Variants in PLXDC2 observed in about 807,000 individuals in gnomAD.
PLXDC2 encodes plexin domain-containing protein 2.
A neutral mutation model predicts 68.9 loss-of-function variants in PLXDC2; 40 were observed. That is an observed-to-expected ratio of 0.58 (90% CI 0.45 to 0.76). The LOEUF (loss-of-function observed/expected upper bound fraction) is 0.76. PLXDC2 is among the 30% of genes least tolerant of loss of function. PLXDC2 has a pLI of 0.00. For missense variants in PLXDC2, 644 were observed against 661.9 expected (o/e 0.97, Z 0.30); for synonymous variants, 243 against 234.2 (o/e 1.04, Z -0.34).
intron 9 of PLXDC2, among the ~76,000 whole-genome samples, chr10:20,186,767 T>C (rs1044997303): frequency 6.6e-6 from 1 of 151,992 alleles, no homozygotes; most frequent in African/African-American, 2.4e-5. Context: ...TATGGCTGCG[T>C]AGTATTCCAT....
Position 20,001,921 on chromosome 10 carries a change from C to A in PLXDC2, c.259C>A (p.Pro87Thr), listed in dbSNP as rs759906707. ...TNRASVGQDS[P>T]EPRSFTDLLL... ...CCGAGCAAGCGTCGGCCAAGACTCT[C>A]CTGAGCCCAGAAGCTTCACAGACCT... The change falls in exon 2 of 14, where the codon CCT becomes ACT. Residue 87 changes from proline to threonine, a missense_variant. This residue lies in a region of PLXDC2 where 201 missense variants were observed against 166.9 expected (regional missense o/e 1.20). Coordinates refer to ENST00000377252, the MANE Select transcript of PLXDC2 (RefSeq NM_032812.9). 8.1e-6 allele frequency: 13 copies of A among 1,613,400 alleles called. 1 individual carries two copies. The highest frequency in any genetic ancestry group is 5.5e-5 in the South Asian group (5 of 91,046).
At chr10:20,187,606 C>A (rs1203685542) in intron 9 of PLXDC2, among the ~76,000 whole-genome samples, 1 of 151,596 alleles carries the variant, frequency 6.6e-6, no homozygotes, top group Non-Finnish European at 1.5e-5. Flanking sequence ...TTTTGCAGGT[C>A]TTCTTAATGG....
rs187268188 is a variant in PLXDC2 at position 19,998,572 on chromosome 10, G to C, written c.113-3203G>C. On this transcript the variant is annotated intron_variant, in intron 1 of 13. Coordinates refer to ENST00000377252, the MANE Select transcript of PLXDC2 (RefSeq NM_032812.9). ...AGAAGCAACCAAAAGGATATTCATG[G>C]ATGCCAGGCCCTAAAGCTCACAAAT... 3.9e-5 allele frequency among the ~76,000 whole-genome samples: 6 copies of C among 152,256 alleles called. No homozygotes were observed. In the East Asian group the frequency reaches 1.2e-3, roughly 29 times the overall value.
At chr10:19,992,833 C>T (rs1313580961) in intron 1 of PLXDC2, among the ~76,000 whole-genome samples, 1 of 152,048 alleles carries the variant, frequency 6.6e-6, no homozygotes, top group Non-Finnish European at 1.5e-5. Context: ...GAATTGTTTA[C>T]AGATTTTTGC....
chr10:20,222,698 C>T (rs1160910381), intron 12 of PLXDC2, among the ~76,000 whole-genome samples: 1 of 151,970 alleles, frequency 6.6e-6, no homozygotes, highest in Non-Finnish European at 1.5e-5. Flanking sequence ...GCAGATGATC[C>T]ATTGCAGAGC....
At chr10:19,863,022 G>A (rs1470851087) in intron 1 of PLXDC2, among the ~76,000 whole-genome samples, 1 of 152,132 alleles carries the variant, frequency 6.6e-6, no homozygotes, top group Non-Finnish European at 1.5e-5. Context: ...TAAATGACAA[G>A]AACATATGGG....
intron 2 of PLXDC2, among the ~76,000 whole-genome samples, chr10:20,026,716 C>T (rs897281123): frequency 2.0e-5 from 3 of 151,672 alleles, no homozygotes; most frequent in African/African-American, 7.3e-5. Context: ...GATGGATGCA[C>T]AAATTTAATC....
rs913675597 is a variant in PLXDC2 at position 20,220,450 on chromosome 10, A to G, written c.1312+1348A>G. ...CTTAATATGGGTGGTCATTATATGT[A>G]TATTTATTAGATTTTTTTCTATGCT... On this transcript the variant is annotated intron_variant, in intron 12 of 13. Coordinates refer to ENST00000377252, the MANE Select transcript of PLXDC2 (RefSeq NM_032812.9). 3.9e-5 allele frequency among the ~76,000 whole-genome samples: 6 copies of G among 152,182 alleles called. No individual in the cohort carries two copies. In the East Asian group the frequency reaches 5.8e-4, roughly 15 times the overall value.
At chr10:19,851,404 A>G (rs1442823474) in intron 1 of PLXDC2, among the ~76,000 whole-genome samples, 1 of 152,156 alleles carries the variant, frequency 6.6e-6, no homozygotes, top group Non-Finnish European at 1.5e-5. Context: ...CTTGCCTGCA[A>G]CTTACCCCTC....
intron 4 of PLXDC2, among the ~76,000 whole-genome samples, chr10:20,087,135 A>T (rs559100391): frequency 2.0e-5 from 3 of 152,360 alleles, no homozygotes; most frequent in Admixed American, 2.0e-4. Flanking sequence ...TTGTTAGTTC[A>T]AATGCATGGC....
chr10:20,086,168 G>T (rs547993138), intron 4 of PLXDC2, among the ~76,000 whole-genome samples: 35 of 151,942 alleles, frequency 2.3e-4, no homozygotes, highest in Middle Eastern at 3.4e-3. Flanking sequence ...GAGAGCTAGT[G>T]CTTGTTGACG....
chr10:20,163,408 G>C (rs1193417953), intron 6 of PLXDC2, among the ~76,000 whole-genome samples: 1 of 151,598 alleles, frequency 6.6e-6, no homozygotes, highest in Non-Finnish European at 1.5e-5. Context: ...AGATTGTATT[G>C]TATTGTATTA....
At chr10:20,014,163 G>A (rs189345446) in intron 2 of PLXDC2, among the ~76,000 whole-genome samples, 85 of 151,494 alleles carry the variant, frequency 5.6e-4, no homozygotes, top group African/African-American at 1.3e-3. Context: ...AGTACATTCA[G>A]AAGTCTTCCT....
At chr10:19,848,292 T>G (rs1396972001) in intron 1 of PLXDC2, among the ~76,000 whole-genome samples, 1 of 152,226 alleles carries the variant, frequency 6.6e-6, no homozygotes, top group Non-Finnish European at 1.5e-5. Context: ...GATCCTTTCT[T>G]TAGACACTTT....
chr10:20,261,793 G>A (rs1280391435), intron 13 of PLXDC2, among the ~76,000 whole-genome samples: 1 of 152,186 alleles, frequency 6.6e-6, no homozygotes, highest in Non-Finnish European at 1.5e-5. Context: ...GGCGGAGGTT[G>A]CGGTGAGCCA....
chr10:19,894,020 G>T (rs7920030), intron 1 of PLXDC2, among the ~76,000 whole-genome samples: 73 of 152,182 alleles, frequency 4.8e-4, no homozygotes, highest in Non-Finnish European at 7.5e-4. Flanking sequence ...CACGAATGGA[G>T]TAAATTCAGA....
At chr10:19,820,778 C>G (rs186234863) in intron 1 of PLXDC2, among the ~76,000 whole-genome samples, 21 of 151,618 alleles carry the variant, frequency 1.4e-4, no homozygotes, top group Admixed American at 9.9e-4. Context: ...ATCATGGGAT[C>G]TAAAGTCTTC....
intron 4 of PLXDC2, among the ~76,000 whole-genome samples, chr10:20,078,432 T>G (rs980235601): frequency 6.6e-6 from 1 of 152,156 alleles, no homozygotes; most frequent in Non-Finnish European, 1.5e-5. Flanking sequence ...TTGGAGATAA[T>G]TGAGTGCTCC....
intron 9 of PLXDC2, among the ~76,000 whole-genome samples, chr10:20,203,871 A>G (rs181405028): frequency 4.7e-4 from 72 of 152,342 alleles, no homozygotes; most frequent in African/African-American, 1.7e-3. Context: ...TGTATTCTGC[A>G]GATAACTATT....
Sources: gnomAD v4.1 joint callset for allele counts (sites outside exome capture counted in the v4.1 genomes callset) on GRCh38, gnomAD v4.1.1 for gene constraint, gnomAD v4.1.1 regional missense constraint, MANE v1.5 for transcripts, NCBI Gene and HGNC (gene_info 2026-07-23, HGNC 2026-07-21) for gene names.